PDE5A: variants seen among roughly 807,000 people sequenced by gnomAD.
The protein encoded by PDE5A is phosphodiesterase 5A.
A neutral mutation model predicts 110.2 loss-of-function variants in PDE5A; 67 were observed. The ratio of observed to expected loss-of-function variants is 0.61; its 90% CI spans 0.50 to 0.75. The LOEUF is 0.75. Ranked by LOEUF, PDE5A falls within the 30% of genes least tolerant of loss-of-function variation. PDE5A has a pLI of 0.00. For synonymous variants in PDE5A, 328 were observed against 351.2 expected (o/e 0.93, Z 0.74); for missense variants, 862 against 1,045.1 (o/e 0.82, Z 2.42).
intron 14 of PDE5A, among the ~76,000 whole-genome samples, chr4:119,514,126 C>A (rs1446060849): frequency 6.6e-6 from 1 of 152,164 alleles, no homozygotes; most frequent in African/African-American, 2.4e-5. Context: ...TGTCAGTGAG[C>A]ACTAATGGAC....
In PDE5A at chr4:119,556,284, C is replaced by T. The variant is rs148664838; in HGVS notation, c.1200-2538G>A. Reference sequence around the variant, plus strand: ...ATGTAAGAGTAAATGTCTGTGATGGCTTCTAGTAACCTTCCTAAGAGACAG... The same window carrying T: ...ATGTAAGAGTAAATGTCTGTGATGGTTTCTAGTAACCTTCCTAAGAGACAG... On this transcript the variant is annotated intron_variant, in intron 7 of 20. Coordinates refer to ENST00000354960, the MANE Select transcript of PDE5A (RefSeq NM_001083.4). Among the ~76,000 whole-genome samples, 293 of 152,262 alleles carry T rather than the reference C, an allele frequency of 1.9e-3. 3 individuals are homozygous for T. Among genetic ancestry groups the T allele is most frequent in the African/African-American group, 6.4e-3 (266 of 41,558 alleles).
chr4:119,506,109 T>C (rs1400131465), intron 16 of PDE5A, among the ~76,000 whole-genome samples, 177 bp from the exon 17 acceptor site: 1 of 151,764 alleles, frequency 6.6e-6, no homozygotes, highest in Non-Finnish European at 1.5e-5. Flanking sequence ...CTTTCCCCCT[T>C]CTATCATTTG....
intron 20 of PDE5A, among the ~76,000 whole-genome samples, chr4:119,499,055 C>T (rs1447568078): frequency 6.6e-6 from 1 of 152,166 alleles, no homozygotes; most frequent in Admixed American, 6.5e-5. Context: ...GTACAGTTGG[C>T]TCTTCCTAAG....
intron 1 of PDE5A, among the ~76,000 whole-genome samples, chr4:119,611,176 G>A (rs539341657): frequency 6.6e-6 from 1 of 152,214 alleles, no homozygotes; most frequent in South Asian, 2.1e-4. Context: ...ACCTAAAGTG[G>A]TCCTGACACA....
chr4:119,505,178 A>G (rs1248841603), intron 17 of PDE5A, among the ~76,000 whole-genome samples: 4 of 151,964 alleles, frequency 2.6e-5, no homozygotes, highest in Non-Finnish European at 5.9e-5. Flanking sequence ...GAATCCATCT[A>G]TATTTTTATT....
chr4:119,577,943 G>A (rs1034512389), intron 3 of PDE5A, among the ~76,000 whole-genome samples: 9 of 152,106 alleles, frequency 5.9e-5, no homozygotes, highest in South Asian at 2.1e-4. Flanking sequence ...AAACCCCATC[G>A]TCTCAGCCAA....
chr4:119,625,659 A>G (rs1730319858), intron 1 of PDE5A, among the ~76,000 whole-genome samples: 1 of 152,256 alleles, frequency 6.6e-6, no homozygotes, highest in Admixed American at 6.5e-5. Context: ...CCTGAATCAC[A>G]TACAATATTC....
chr4:119,564,592 T>C (rs1727858766), intron 5 of PDE5A, among the ~76,000 whole-genome samples: 1 of 152,018 alleles, frequency 6.6e-6, no homozygotes, highest in African/African-American at 2.4e-5. Flanking sequence ...CTCAACAGGA[T>C]GCCTAATATA....
At chr4:119,625,151 T>C (rs983069622) in intron 1 of PDE5A, among the ~76,000 whole-genome samples, 1 of 151,766 alleles carries the variant, frequency 6.6e-6, no homozygotes, top group Non-Finnish European at 1.5e-5. Context: ...GCGCGCGCCA[T>C]ACCTGGCTAA....
rs1729571354 is a variant in PDE5A at position 119,607,213 on chromosome 4, G to A, written c.237C>T (p.Cys79=). Residue 79 remains cysteine, a synonymous_variant, in exon 2 of 21, where the codon TGC becomes TGT. Transcript: ENST00000354960. ...GAGGACTCTGCTGCAAGGGACAAGA[G>A]CAAGATTCGGTGTGGCCTCTGATAC... The part of the protein sequence containing the change: ...KEGIRGHTES[C]SCPLQQSPRA... The A allele has an allele frequency of 1.2e-6, 2 of 1,614,134 alleles. No individual in the cohort carries two copies. Among genetic ancestry groups the A allele is most frequent in the African/African-American group, 1.3e-5 (1 of 75,048 alleles).
chr4:119,500,503 G>GT lies in PDE5A; in HGVS notation c.2490+666dup, dbSNP rs201184627. Among the ~76,000 whole-genome samples, 768 of 151,268 alleles carry GT rather than the reference G, an allele frequency of 5.1e-3. 6 individuals are homozygous for GT. Among genetic ancestry groups the GT allele is most frequent in the African/African-American group, 0.018 (729 of 41,220 alleles). On this transcript the variant is annotated intron_variant, in intron 20 of 20. Transcript: ENST00000354960. ...AATATCTGGATTAGAATATTTCTAG[G>GT]TTTTTTTTCTGCTCTTGACATTCTA...
In PDE5A at chr4:119,521,009, C is replaced by G. The variant is rs779995549; in HGVS notation, c.1831G>C (p.Ala611Pro). ...SVKKNYRKNV[A>P]YHNWRHAFNT... ...AAGGCATGTCTCCAATTATGATAGGCAACATTCTTCCGATAATTCTTCTTA... is the reference window on the plus strand; with the variant it reads ...AAGGCATGTCTCCAATTATGATAGGGAACATTCTTCCGATAATTCTTCTTA... Residue 611 changes from alanine to proline, a missense_variant, in exon 13 of 21, where the codon GCC becomes CCC. Physicochemically the swap from Ala to Pro is conservative, Grantham distance 27. Transcript: ENST00000354960. 12 of 1,612,696 alleles carry G rather than the reference C, an allele frequency of 7.4e-6. No individual in the cohort carries two copies. The highest frequency in any genetic ancestry group is 1.3e-5 in the African/African-American group (1 of 74,864).
intron 3 of PDE5A, among the ~76,000 whole-genome samples, chr4:119,595,140 T>G (rs1247534578): frequency 6.6e-6 from 1 of 152,118 alleles, no homozygotes; most frequent in Non-Finnish European, 1.5e-5. Context: ...AAAAAAATAT[T>G]GAAATCAGAA....
intron 4 of PDE5A, among the ~76,000 whole-genome samples, chr4:119,566,012 A>T (rs1028492422): frequency 2.0e-5 from 3 of 150,478 alleles, no homozygotes; most frequent in Admixed American, 6.7e-5. Context: ...ATTGAAATAA[A>T]TATTTAGACA....
intron 2 of PDE5A, among the ~76,000 whole-genome samples, chr4:119,601,955 G>C (rs1729361852): frequency 6.6e-6 from 1 of 152,114 alleles, no homozygotes. Flanking sequence ...GAAATGCTGA[G>C]AAACTGTTTC....
At chr4:119,578,922 T>C (rs959868322) in intron 3 of PDE5A, among the ~76,000 whole-genome samples, 14 of 152,314 alleles carry the variant, frequency 9.2e-5, no homozygotes, top group African/African-American at 2.6e-4. Flanking sequence ...TGGGAGACAA[T>C]TTTTGCAATC....
In PDE5A at chr4:119,607,250, A is replaced by G. The variant is rs750454250; in HGVS notation, c.200T>C (p.Val67Ala). ...WFAERVHTIP[V>A]CKEGIRGHTE... The stretch of plus-strand genomic sequence containing the variant: ...GTGGCCTCTGATACCTTCCTTGCAC[A>G]CAGGGATGGTGTGAACTCTCTCAGC... The change falls in exon 2 of 21, where the codon GTG (valine) becomes GCG (alanine). Residue 67 changes from valine (V) to alanine (A), a missense_variant. Coordinates refer to ENST00000354960, the MANE Select transcript of PDE5A (RefSeq NM_001083.4). The G allele has an allele frequency of 3.1e-6, 5 of 1,613,518 alleles. No individual in the cohort carries two copies. In the Admixed American group the frequency reaches 8.3e-5, roughly 27 times the overall value.
At chr4:119,502,174 G>C (rs917158867) in intron 19 of PDE5A, among the ~76,000 whole-genome samples, 1 of 151,560 alleles carries the variant, frequency 6.6e-6, no homozygotes, top group Admixed American at 6.6e-5. Context: ...GAGTAGGAGT[G>C]AAACATCTAT....
intron 10 of PDE5A, among the ~76,000 whole-genome samples, chr4:119,541,315 T>C (rs1307759046): frequency 6.6e-6 from 1 of 151,420 alleles, no homozygotes; most frequent in Non-Finnish European, 1.5e-5. Flanking sequence ...ATTTATATAT[T>C]TTATAATAAA....
Sources: allele counts gnomAD v4.1 joint callset (sites outside exome capture counted in the v4.1 genomes callset), GRCh38; gene constraint gnomAD v4.1.1; transcripts MANE v1.5; gene names NCBI Gene and HGNC (gene_info 2026-07-23, HGNC 2026-07-21).